HS6ST3: variants seen among roughly 807,000 people sequenced by gnomAD.
The protein encoded by HS6ST3 is heparan sulfate 6-O-sulfotransferase 3.
HS6ST3 carries 12 observed loss-of-function variants against 36.7 expected under a neutral mutation model. The ratio of observed to expected loss-of-function variants is 0.33; its 90% confidence interval spans 0.21 to 0.53. The LOEUF is 0.53. Ranked by LOEUF, HS6ST3 falls within the 20% of genes least tolerant of loss-of-function variation. The pLI, the probability that HS6ST3 is intolerant of heterozygous loss-of-function variation, is 0.95. For missense variants in HS6ST3, 584 were observed against 640.9 expected (o/e 0.91, Z 0.96); for synonymous variants, 240 against 257.5 (o/e 0.93, Z 0.65).
At chr13:96,254,496 TATAC>T (rs1566302730) in intron 1 of HS6ST3, among the ~76,000 whole-genome samples, 3 of 21,898 alleles carry the variant, frequency 1.4e-4, no homozygotes, top group Non-Finnish European at 1.8e-4. Context: ...TATATATATA[TATAC>T]ACATACATAC....
At chr13:96,261,277 TA>T (rs1316544714) in intron 1 of HS6ST3, among the ~76,000 whole-genome samples, 2 of 150,144 alleles carry the variant, frequency 1.3e-5, no homozygotes, top group African/African-American at 2.4e-5. Context: ...TATATATCCC[TA>T]AAAATATATA....
intron 1 of HS6ST3, among the ~76,000 whole-genome samples, chr13:96,526,181 G>GGAAGAT (rs2056113413): frequency 6.6e-6 from 1 of 152,130 alleles, no homozygotes; most frequent in Non-Finnish European, 1.5e-5. Flanking sequence ...TATGCATATG[G>GGAAGAT]GAAGATGAAG....
chr13:96,238,605 C>T (rs535754514), intron 1 of HS6ST3, among the ~76,000 whole-genome samples: 37 of 152,304 alleles, frequency 2.4e-4, no homozygotes, highest in Non-Finnish European at 5.3e-4. Flanking sequence ...TTCTCTAGCA[C>T]AGTACCATTT....
At position 96,834,196 on chromosome 13, in the gene HS6ST3, T is replaced by C. The variant is rs1878872353; in HGVS notation, c.*998T>C. 1 of 152,218 alleles carries C rather than the reference T, an allele frequency of 6.6e-6. No individual in the cohort carries two copies. The highest frequency in any genetic ancestry group is 2.4e-5 in the African/African-American group (1 of 41,466). The allele number at this position is 152,218 out of a possible 1,614,324, so 9.4% of individuals were successfully genotyped here. A position where few individuals can be genotyped will look rare whatever the true frequency, so the allele number is the denominator to read the frequency against. On this transcript the variant is annotated 3_prime_UTR_variant, in exon 2 of 2. Transcript: ENST00000376705. The stretch of plus-strand genomic sequence containing the variant: ...TTTGCCACCACAGAAAGAAAGATGT[T>C]TTTAAAAGCTTGGCCCAAAGAATAG...
At chr13:96,349,847 T>G (rs773302593) in intron 1 of HS6ST3, among the ~76,000 whole-genome samples, 1 of 152,146 alleles carries the variant, frequency 6.6e-6, no homozygotes, top group Non-Finnish European at 1.5e-5. Context: ...GCAAATAATG[T>G]TGGTGTAAAT....
chr13:96,375,703 TATA>T (rs1366817190), intron 1 of HS6ST3, among the ~76,000 whole-genome samples: 1 of 152,184 alleles, frequency 6.6e-6, no homozygotes, highest in Non-Finnish European at 1.5e-5. Context: ...TCTAGAAAAT[TATA>T]ATGTACTAAC....
At chr13:96,511,306 A>G (rs1881413823) in intron 1 of HS6ST3, among the ~76,000 whole-genome samples, 1 of 152,116 alleles carries the variant, frequency 6.6e-6, no homozygotes, top group Non-Finnish European at 1.5e-5. Context: ...ACAATGTGAT[A>G]GACTTTACTA....
chr13:96,724,537 T>C (rs1231228206), intron 1 of HS6ST3, among the ~76,000 whole-genome samples: 1 of 152,200 alleles, frequency 6.6e-6, no homozygotes, highest in Non-Finnish European at 1.5e-5. Context: ...CCCACTCCCA[T>C]CCCTATCTAG....
At chr13:96,505,211 A>G (rs1016944249) in intron 1 of HS6ST3, among the ~76,000 whole-genome samples, 12 of 152,184 alleles carry the variant, frequency 7.9e-5, no homozygotes, top group African/African-American at 2.9e-4. Flanking sequence ...CCCAAAAGAT[A>G]GGCAGGCTGC....
chr13:96,708,433 G>A (rs530406269), intron 1 of HS6ST3, among the ~76,000 whole-genome samples: 2 of 152,236 alleles, frequency 1.3e-5, no homozygotes, highest in Admixed American at 6.5e-5. Flanking sequence ...CCTCTGGCAG[G>A]CCAATCGTCT....
intron 1 of HS6ST3, among the ~76,000 whole-genome samples, chr13:96,760,778 ATTATT>A (rs2138499708): frequency 6.6e-6 from 1 of 152,212 alleles, no homozygotes; most frequent in Non-Finnish European, 1.5e-5. Flanking sequence ...ATATTGTTCA[ATTATT>A]TTATTTTTTG....
At chr13:96,728,801 G>T (rs182126816) in intron 1 of HS6ST3, among the ~76,000 whole-genome samples, 1 of 152,164 alleles carries the variant, frequency 6.6e-6, no homozygotes, top group Admixed American at 6.5e-5. Flanking sequence ...TTCCTGAGCT[G>T]CATTAAAGGA....
intron 1 of HS6ST3, among the ~76,000 whole-genome samples, chr13:96,793,959 A>G (rs1158624315): frequency 2.0e-5 from 3 of 152,028 alleles, no homozygotes; most frequent in Non-Finnish European, 4.4e-5. Flanking sequence ...CCCTTACAAA[A>G]TATTGTTTAA....
chr13:96,392,834 G>A (rs1046507986), intron 1 of HS6ST3, among the ~76,000 whole-genome samples: 3 of 152,208 alleles, frequency 2.0e-5, no homozygotes, highest in Non-Finnish European at 4.4e-5. Flanking sequence ...CCTGGGAGCT[G>A]TGGCAGACTA....
chr13:96,427,291 T>G (rs2055591964), intron 1 of HS6ST3: 2 of 154,486 alleles, frequency 1.3e-5, no homozygotes, highest in South Asian at 4.1e-4. Flanking sequence ...ATGTCACATT[T>G]TATAAGTGAT....
rs529601611 is a variant in HS6ST3 at position 96,284,759 on chromosome 13, CTTGCTTG to C, written c.707+193191_707+193197del. Among the ~76,000 whole-genome samples the C allele has an allele frequency of 1.9e-3, 284 of 151,704 alleles. 1 individual carries two copies. The highest frequency in any genetic ancestry group is 6.4e-3 in the African/African-American group (266 of 41,412). ...AAGAGGATACTGGTCTGCTTGCTTG[CTTGCTTG>C]CTTGCTTGCTTGCTTGCTTGCTTTT... On this transcript the variant is annotated intron_variant, in intron 1 of 1. Coordinates refer to ENST00000376705, the MANE Select transcript of HS6ST3 (RefSeq NM_153456.4).
chr13:96,839,079 A>G lies in HS6ST3; in HGVS notation c.*5881A>G, dbSNP rs1879007055. The G allele has an allele frequency of 6.6e-6, 1 of 152,250 alleles. No homozygotes were observed. Among genetic ancestry groups the G allele is most frequent in the African/African-American group, 2.4e-5 (1 of 41,466 alleles). 9.4% of individuals were successfully genotyped at this position (152,250 alleles called of 1,614,324 possible). ...TTCTGCTGCATTATGGGAACTCATC[A>G]AAGGGCCAGATTGACATCTTGCCAG... On this transcript the variant is annotated 3_prime_UTR_variant, in exon 2 of 2. Transcript: ENST00000376705.
chr13:96,703,957 T>C (rs1307865950), intron 1 of HS6ST3, among the ~76,000 whole-genome samples: 1 of 152,172 alleles, frequency 6.6e-6, no homozygotes, highest in Non-Finnish European at 1.5e-5. Context: ...AAGACATGCC[T>C]TGCTTCCCCT....
chr13:96,665,400 T>C (rs1332483509), intron 1 of HS6ST3, among the ~76,000 whole-genome samples: 1 of 152,066 alleles, frequency 6.6e-6, no homozygotes, highest in Non-Finnish European at 1.5e-5. Flanking sequence ...GAAGGAGTAC[T>C]AAAAATAGGA....
Sources: allele counts gnomAD v4.1 joint callset (sites outside exome capture counted in the v4.1 genomes callset), GRCh38; gene constraint gnomAD v4.1.1; transcripts MANE v1.5; gene names NCBI Gene and HGNC (gene_info 2026-07-23, HGNC 2026-07-21).